GLIS3: variants seen among roughly 807,000 people sequenced by gnomAD.
The protein encoded by GLIS3 is zinc finger protein GLIS3.
In GLIS3, 53 loss-of-function variants were observed where a neutral mutation model predicts 78.6. That is an observed-to-expected ratio of 0.67 (90% confidence interval 0.54 to 0.85). The LOEUF (loss-of-function observed/expected upper bound fraction) is 0.85, where lower values mean the gene tolerates loss of function less well. Ranked by LOEUF, GLIS3 falls within the 40% of genes least tolerant of loss-of-function variation. The pLI is 0.00. For synonymous variants in GLIS3, 684 were observed against 509.9 expected (o/e 1.34, Z -4.60); for missense variants, 1,703 against 1,231.1 (o/e 1.38, Z -5.74).
chr9:4,127,474 A>G (rs73394530), intron 2 of GLIS3, among the ~76,000 whole-genome samples: 2,425 of 152,274 alleles, frequency 0.016, 79 homozygotes, highest in African/African-American at 0.056. Flanking sequence ...AAGATCAGTT[A>G]TAGATATTCT....
At chr9:3,928,156 G>A (rs1588247354) in intron 6 of GLIS3, among the ~76,000 whole-genome samples, 1 of 152,190 alleles carries the variant, frequency 6.6e-6, no homozygotes. Flanking sequence ...TCTCCGTCAC[G>A]TGCATTCTAA....
At chr9:4,350,249 G>A (rs78251709), upstream of GLIS3, among the ~76,000 whole-genome samples, 2 of 152,192 alleles carry the variant, frequency 1.3e-5, no homozygotes, top group Non-Finnish European at 2.9e-5. Context: ...CTATTCACCA[G>A]CACCTTGGAG....
chr9:3,939,006 A>C (rs1307340311), intron 4 of GLIS3, among the ~76,000 whole-genome samples: 2 of 152,202 alleles, frequency 1.3e-5, no homozygotes, highest in East Asian at 3.8e-4. Flanking sequence ...TTTGACTTGG[A>C]ATCACCTGGT....
At chr9:4,468,498 A>C in the GLIS3 span, among the ~76,000 whole-genome samples, 1 of 152,184 alleles carries the variant, frequency 6.6e-6, no homozygotes, top group Non-Finnish European at 1.5e-5. Context: ...CTTAAAGAAA[A>C]GAATTTTCAA....
At chr9:4,208,438 G>A (rs993568720) in intron 2 of GLIS3, among the ~76,000 whole-genome samples, 17 of 152,206 alleles carry the variant, frequency 1.1e-4, no homozygotes, top group African/African-American at 4.1e-4. Context: ...ACAGCTTCCA[G>A]AGAGTGGTCT....
At chr9:4,290,804 C>T (rs1403209277) in intron 1 of GLIS3, among the ~76,000 whole-genome samples, 3 of 152,110 alleles carry the variant, frequency 2.0e-5, no homozygotes, top group Non-Finnish European at 4.4e-5. Context: ...TTATTCTTGT[C>T]TGCAATTTTA....
At chr9:4,068,779 C>T (rs550607510) in intron 4 of GLIS3, among the ~76,000 whole-genome samples, 8 of 151,602 alleles carry the variant, frequency 5.3e-5, no homozygotes, top group African/African-American at 1.9e-4. Flanking sequence ...GATTTTTTTT[C>T]TTTCTTGACT....
chr9:4,169,132 C>T (rs918108499), intron 2 of GLIS3, among the ~76,000 whole-genome samples: 12 of 152,110 alleles, frequency 7.9e-5, no homozygotes, highest in Non-Finnish European at 1.6e-4. Context: ...GTTGGTCAAG[C>T]TTTCTGCAGC....
intron 9 of GLIS3, among the ~76,000 whole-genome samples, chr9:3,842,794 C>T (rs1216430976): frequency 2.0e-5 from 3 of 152,186 alleles, no homozygotes; most frequent in Non-Finnish European, 4.4e-5. Flanking sequence ...GATTTACAAA[C>T]ATCTGAAAGT....
chr9:4,444,670 T>G, the GLIS3 span, among the ~76,000 whole-genome samples: 1 of 152,210 alleles, frequency 6.6e-6, no homozygotes, highest in Non-Finnish European at 1.5e-5. Flanking sequence ...TTTCACTCCC[T>G]TTAGATGAAC....
intron 4 of GLIS3, among the ~76,000 whole-genome samples, chr9:4,082,558 C>A (rs1299799354): frequency 6.6e-6 from 1 of 152,176 alleles, no homozygotes; most frequent in East Asian, 1.9e-4. Context: ...AGGCATGCTT[C>A]TCATTTATTA....
Position 4,119,749 on chromosome 9 carries a change from A to G in GLIS3, c.597-868T>C, listed in dbSNP as rs1313740275. 2.0e-5 allele frequency among the ~76,000 whole-genome samples: 3 copies of G among 152,238 alleles called. No individual in the cohort carries two copies. In the East Asian group the frequency reaches 5.8e-4, roughly 29 times the overall value. ...CTCTCCTATTCTTCTTACCCTTTACAAACACACCCTATGTCTCACAATATA... is the reference window on the plus strand; with the variant it reads ...CTCTCCTATTCTTCTTACCCTTTACGAACACACCCTATGTCTCACAATATA... On this transcript the variant is annotated intron_variant, in intron 3 of 10. Coordinates refer to ENST00000381971, the MANE Select transcript of GLIS3 (RefSeq NM_001042413.2).
chr9:4,225,606 A>G (rs1821701785), intron 2 of GLIS3, among the ~76,000 whole-genome samples: 2 of 152,202 alleles, frequency 1.3e-5, no homozygotes, highest in Admixed American at 1.3e-4. Context: ...AAATTTAGAC[A>G]AGGCAGGCTA....
intron 2 of GLIS3, among the ~76,000 whole-genome samples, chr9:4,175,526 C>T (rs1816736203): frequency 6.6e-6 from 1 of 152,198 alleles, no homozygotes; most frequent in African/African-American, 2.4e-5. Context: ...CACACATAAA[C>T]ACACACGAGG....
At chr9:4,244,000 C>A (rs1310228862) in intron 2 of GLIS3, among the ~76,000 whole-genome samples, 11 of 152,230 alleles carry the variant, frequency 7.2e-5, no homozygotes, top group Non-Finnish European at 7.3e-5. Flanking sequence ...CCATTCCCTG[C>A]CTTCTCCTTA....
At chr9:4,394,102 G>C in the GLIS3 span, among the ~76,000 whole-genome samples, 2 of 151,810 alleles carry the variant, frequency 1.3e-5, no homozygotes, top group South Asian at 2.1e-4. Context: ...AAAGAAAAAA[G>C]AGTTTTTGAC....
chr9:4,272,892 AG>A (rs951766027), intron 2 of GLIS3, among the ~76,000 whole-genome samples: 2 of 152,242 alleles, frequency 1.3e-5, no homozygotes, highest in Admixed American at 6.5e-5. Context: ...GCCTCATTTA[AG>A]TCTTGACAGT....
At chr9:4,230,083 G>A (rs10122640) in intron 2 of GLIS3, among the ~76,000 whole-genome samples, 19,447 of 152,192 alleles carry the variant, frequency 0.13, 1,777 homozygotes, top group African/African-American at 0.26. Context: ...AAGAAAGGCC[G>A]ACGGGCCAAG....
intron 7 of GLIS3, among the ~76,000 whole-genome samples, chr9:3,893,650 T>C (rs1446655935): frequency 6.6e-6 from 1 of 152,216 alleles, no homozygotes; most frequent in Non-Finnish European, 1.5e-5. Flanking sequence ...TATGCCTACA[T>C]TTTATGATCC....
Sources: gnomAD v4.1 joint callset for allele counts (sites outside exome capture counted in the v4.1 genomes callset) on GRCh38, gnomAD v4.1.1 for gene constraint, MANE v1.5 for transcripts, NCBI Gene and HGNC (gene_info 2026-07-23, HGNC 2026-07-21) for gene names.